Variants in TMEM178B observed in about 807,000 individuals in gnomAD.
The protein encoded by TMEM178B is transmembrane protein 178B.
Under a neutral mutation model 31.0 loss-of-function variants are expected in TMEM178B, and 5 were observed. The ratio of observed to expected loss-of-function variants is 0.16; its 90% CI spans 0.08 to 0.34. The LOEUF is 0.34. Ranked by LOEUF, TMEM178B falls within the 10% of genes least tolerant of loss-of-function variation. The pLI, the probability that TMEM178B is intolerant of heterozygous loss-of-function variation, is 1.00. For missense variants in TMEM178B, 275 were observed against 400.3 expected, an observed-to-expected ratio of 0.69 and a Z score of 2.67; for synonymous variants, 164 against 164.0, an observed-to-expected ratio of 1.00 and a Z score of 0.00.
At chr7:141,223,613 C>T (rs537330678) in intron 2 of TMEM178B, among the ~76,000 whole-genome samples, 2 of 151,872 alleles carry the variant, frequency 1.3e-5, no homozygotes, top group Admixed American at 6.6e-5. Flanking sequence ...CAGCCTTCCA[C>T]GTGCTGAGCT....
chr7:141,081,061 A>T (rs1304428059), intron 1 of TMEM178B, among the ~76,000 whole-genome samples: 2 of 152,056 alleles, frequency 1.3e-5, no homozygotes, highest in Non-Finnish European at 2.9e-5. Flanking sequence ...TTCTGCTTAT[A>T]AAAAAAAGTT....
intron 1 of TMEM178B, among the ~76,000 whole-genome samples, chr7:141,154,322 C>T (rs1319303258): frequency 6.6e-6 from 1 of 152,200 alleles, no homozygotes; most frequent in East Asian, 1.9e-4. Context: ...TCAGGCCAGC[C>T]CATGCCACAT....
At chr7:141,358,172 G>A (rs1300443998) in intron 2 of TMEM178B, among the ~76,000 whole-genome samples, 9 of 152,116 alleles carry the variant, frequency 5.9e-5, no homozygotes, top group Admixed American at 5.9e-4. Flanking sequence ...TTGGTCCCTA[G>A]CAGCACACTG....
At chr7:141,125,692 AAAAAAG>A (rs1554452143) in intron 1 of TMEM178B, among the ~76,000 whole-genome samples, 11 of 151,936 alleles carry the variant, frequency 7.2e-5, no homozygotes, top group East Asian at 3.9e-4. Context: ...AAAAAAAAAA[AAAAAAG>A]AAAAAGAAAA....
intron 2 of TMEM178B, among the ~76,000 whole-genome samples, chr7:141,325,176 C>A (rs1264993750): frequency 6.6e-6 from 1 of 152,088 alleles, no homozygotes; most frequent in Non-Finnish European, 1.5e-5. Context: ...TTACACTTAG[C>A]AATTAATGGC....
intron 1 of TMEM178B, among the ~76,000 whole-genome samples, chr7:141,158,413 A>T (rs1177849007): frequency 1.3e-5 from 2 of 152,128 alleles, no homozygotes; most frequent in African/African-American, 4.8e-5. Context: ...TTGCCAATTG[A>T]TGTCTGTCCT....
At chr7:141,143,951 C>T (rs757763659) in intron 1 of TMEM178B, among the ~76,000 whole-genome samples, 9 of 151,952 alleles carry the variant, frequency 5.9e-5, no homozygotes, top group Non-Finnish European at 1.2e-4. Context: ...TAGATGTATT[C>T]CTAGATTTTT....
At chr7:141,199,195 A>G (rs1247713254) in intron 1 of TMEM178B, among the ~76,000 whole-genome samples, 5 of 152,336 alleles carry the variant, frequency 3.3e-5, no homozygotes, top group Non-Finnish European at 7.3e-5. Flanking sequence ...GAAAAGGGGC[A>G]AAGGCATTCA....
chr7:141,198,712 A>G (rs1219946254), intron 1 of TMEM178B, among the ~76,000 whole-genome samples: 3 of 152,174 alleles, frequency 2.0e-5, no homozygotes, highest in Non-Finnish European at 4.4e-5. Flanking sequence ...CCCAGAGAGA[A>G]AGCATGAGCT....
intron 1 of TMEM178B, among the ~76,000 whole-genome samples, chr7:141,156,094 T>C (rs768047801): frequency 5.3e-5 from 8 of 152,064 alleles, no homozygotes; most frequent in Non-Finnish European, 1.0e-4. Flanking sequence ...AAAACAAATA[T>C]GGAGTGACCC....
intron 2 of TMEM178B, among the ~76,000 whole-genome samples, chr7:141,382,915 A>G (rs1221220954): frequency 6.6e-6 from 1 of 152,204 alleles, no homozygotes; most frequent in Non-Finnish European, 1.5e-5. Flanking sequence ...ACCAGTGTGA[A>G]TCCACAGAAA....
rs984778121 is a variant in TMEM178B, at chr7:141,478,747, G to T, written c.*7961G>T. 1.3e-5 allele frequency: 2 copies of T among 152,204 alleles called. No homozygotes were observed. The highest frequency in any genetic ancestry group is 1.5e-5 in the Non-Finnish European group (1 of 68,026). 9.4% of individuals were successfully genotyped at this position (152,204 alleles called of 1,614,324 possible). A position where few individuals can be genotyped will look rare whatever the true frequency, so the allele number is the denominator to read the frequency against. On this transcript the variant is annotated 3_prime_UTR_variant, in exon 4 of 4. Coordinates refer to ENST00000565468, the MANE Select transcript of TMEM178B (RefSeq NM_001195278.2). ...TTCCTCTTAGAAAACATCTCAGTCT[G>T]GCCCAGCCCTATTTCCAGTGTTCAA...
the TMEM178B span, among the ~76,000 whole-genome samples, chr7:141,486,950 A>G: frequency 6.6e-6 from 1 of 152,146 alleles, no homozygotes; most frequent in Admixed American, 6.5e-5. Flanking sequence ...GATAACAACC[A>G]GAAGGAGATG....
At chr7:141,109,523 T>C (rs1351472964) in intron 1 of TMEM178B, among the ~76,000 whole-genome samples, 6 of 152,180 alleles carry the variant, frequency 3.9e-5, no homozygotes, top group Non-Finnish European at 8.8e-5. Context: ...TTTTCTTCAG[T>C]ATACTTAATT....
chr7:141,404,099 C>T (rs1461100724), intron 2 of TMEM178B, among the ~76,000 whole-genome samples: 1 of 152,066 alleles, frequency 6.6e-6, no homozygotes, highest in Non-Finnish European at 1.5e-5. Context: ...TGGTCAGGAG[C>T]TCGAGACCAT....
At chr7:141,487,077 A>C in the TMEM178B span, among the ~76,000 whole-genome samples, 2 of 152,146 alleles carry the variant, frequency 1.3e-5, no homozygotes, top group Non-Finnish European at 2.9e-5. Flanking sequence ...AGCCCATTCC[A>C]AGTCAAATGT....
intron 1 of TMEM178B, among the ~76,000 whole-genome samples, chr7:141,111,779 TTA>T (rs982707597): frequency 3.2e-4 from 48 of 152,330 alleles, no homozygotes; most frequent in Non-Finnish European, 5.9e-4. Context: ...CTAGAACACT[TTA>T]TAATAATCCT....
intron 1 of TMEM178B, among the ~76,000 whole-genome samples, chr7:141,181,080 G>C (rs926863319): frequency 1.9e-4 from 29 of 152,142 alleles, no homozygotes; most frequent in Non-Finnish European, 1.5e-5. Flanking sequence ...GGGTAGCATG[G>C]TAAGGATTCA....
intron 2 of TMEM178B, among the ~76,000 whole-genome samples, chr7:141,307,145 A>AGAAATTGGGGATGTT (rs1168003184): frequency 5.4e-5 from 8 of 146,938 alleles, no homozygotes; most frequent in Non-Finnish European, 1.0e-4. Flanking sequence ...GCTAAATCAT[A>AGAAATTGGGGATGTT]GAAATTGGGG....
Sources: allele counts gnomAD v4.1 joint callset (sites outside exome capture counted in the v4.1 genomes callset), GRCh38; gene constraint gnomAD v4.1.1; transcripts MANE v1.5; gene names NCBI Gene and HGNC (gene_info 2026-07-23, HGNC 2026-07-21).